COL15A1: variants seen among roughly 807,000 people sequenced by gnomAD.
COL15A1 encodes the protein collagen type XV alpha 1 chain, also known as collagen alpha-1(XV) chain.
COL15A1 carries 111 observed loss-of-function variants against 165.9 expected under a neutral mutation model. That is an observed-to-expected ratio of 0.67 (90% CI 0.57 to 0.78). The LOEUF (loss-of-function observed/expected upper bound fraction) is 0.78. Ranked by LOEUF, COL15A1 falls within the 30% of genes least tolerant of loss-of-function variation. COL15A1 has a pLI of 0.00. For missense variants in COL15A1, 1,745 were observed against 1,789.7 expected, an observed-to-expected ratio of 0.98 and a Z score of 0.45; for synonymous variants, 659 against 674.8, an observed-to-expected ratio of 0.98 and a Z score of 0.36.
chr9:98,994,573 A>C (rs1191365200), intron 5 of COL15A1, among the ~76,000 whole-genome samples: 2 of 152,060 alleles, frequency 1.3e-5, no homozygotes, highest in African/African-American at 4.8e-5. Flanking sequence ...AGGTCTGGGG[A>C]TCCTCCATCA....
chr9:99,062,914 A>G, intron 38 of COL15A1, 136 bp from the exon 39 acceptor site: 1 of 1,006,430 alleles, frequency 9.9e-7, no homozygotes, highest in East Asian at 3.1e-5. Flanking sequence ...CTTTACAGTT[A>G]AGAGTCACAG....
Position 99,063,070 on chromosome 9 carries a change from A to G in COL15A1, c.3612A>G (p.Pro1204=). 6.3e-7 allele frequency: 1 copy of G among 1,587,770 alleles called. No homozygotes were observed. Among genetic ancestry groups the G allele is most frequent in the Non-Finnish European group, 8.5e-7 (1 of 1,171,738 alleles). The change falls in exon 39 of 42, where the codon CCA becomes CCG. Residue 1204 remains proline (P), a synonymous_variant. Transcript: ENST00000375001. ...AACAGCCACATCAGCTTCTGCCTCCACCAAACCCTATTTCAAGTGCCAATT... is the reference window on the plus strand; with the variant it reads ...AACAGCCACATCAGCTTCTGCCTCCGCCAAACCCTATTTCAAGTGCCAATT... ...LSSNPHQLLP[P]PNPISSANYE... is the part of the protein sequence containing the mutation.
chr9:99,027,334 G>A (rs1839142937), intron 16 of COL15A1, among the ~76,000 whole-genome samples: 1 of 152,200 alleles, frequency 6.6e-6, no homozygotes, highest in Non-Finnish European at 1.5e-5. Flanking sequence ...TCACTGAACT[G>A]AATTTCTAGT....
chr9:99,038,229 T>C (rs1348446171), intron 21 of COL15A1, among the ~76,000 whole-genome samples: 9 of 152,238 alleles, frequency 5.9e-5, no homozygotes, highest in Non-Finnish European at 1.0e-4. Context: ...TTTGGCAGTC[T>C]TTTAAAGCTA....
intron 16 of COL15A1, 53 bp downstream of exon 16, chr9:99,026,019 ACTCT>A: frequency 6.6e-7 from 1 of 1,518,654 alleles, no homozygotes; most frequent in Non-Finnish European, 8.9e-7. Context: ...GGCCCACACT[ACTCT>A]CTCTGACCCC....
rs565046059 is a variant in COL15A1, at chr9:99,066,821, G to C, written c.3652-61G>C. The C allele has an allele frequency of 5.4e-6, 8 of 1,488,750 alleles. No homozygotes were observed. In the South Asian group the frequency reaches 8.7e-5, roughly 16 times the overall value. The allele number at this position is 1,488,750 out of a possible 1,614,324, so 92.2% of individuals were successfully genotyped here. ...GGAATCTTTGCAGGAATGTGAGATG[G>C]TTCTGGGGGCTGGAGTTTGCCTTTG... On this transcript the variant is annotated intron_variant, in intron 39 of 41. Coordinates refer to ENST00000375001, the MANE Select transcript of COL15A1 (RefSeq NM_001855.5).
intron 12 of COL15A1, 47 bp from the exon 13 acceptor site, chr9:99,022,044 G>T: frequency 1.2e-6 from 2 of 1,610,076 alleles, no homozygotes; most frequent in Non-Finnish European, 1.7e-6. Flanking sequence ...TGGGGAGATG[G>T]TAGGAACAGA....
intron 9 of COL15A1, among the ~76,000 whole-genome samples, chr9:99,009,981 G>C (rs752825404): frequency 6.6e-6 from 1 of 152,166 alleles, no homozygotes; most frequent in Non-Finnish European, 1.5e-5. Flanking sequence ...TTAATTTATA[G>C]AGAAACTAAA....
chr9:99,016,915 A>G (rs1838943914), intron 11 of COL15A1, among the ~76,000 whole-genome samples: 1 of 152,186 alleles, frequency 6.6e-6, no homozygotes, highest in South Asian at 2.1e-4. Flanking sequence ...CTGTGAGGGG[A>G]GGGGCTGTGG....
intron 21 of COL15A1, among the ~76,000 whole-genome samples, chr9:99,036,674 C>T (rs1442175792): frequency 6.6e-6 from 1 of 152,274 alleles, no homozygotes. Flanking sequence ...TTGAGGAAGC[C>T]CCAGATAAGC....
intron 35 of COL15A1, among the ~76,000 whole-genome samples, chr9:99,059,646 G>A (rs1028050169): frequency 8.5e-5 from 13 of 152,182 alleles, no homozygotes; most frequent in African/African-American, 2.2e-4. Context: ...CTTATGAAAC[G>A]GAAAAGCACT....
At chr9:99,015,610 A>G in intron 10 of COL15A1, 44 bp downstream of exon 10, 4 of 1,585,102 alleles carry the variant, frequency 2.5e-6, no homozygotes, top group Non-Finnish European at 3.5e-6. Flanking sequence ...GGGGAGAGAC[A>G]GGTCTGCATC....
intron 21 of COL15A1, among the ~76,000 whole-genome samples, chr9:99,036,644 G>A (rs995784458): frequency 6.6e-6 from 1 of 152,234 alleles, no homozygotes; most frequent in African/African-American, 2.4e-5. Flanking sequence ...CAGGCTAGGA[G>A]CATTAGAGAT....
Position 99,003,517 on chromosome 9 carries a change from C to A in COL15A1, c.1130C>A (p.Ala377Asp). The A allele has an allele frequency of 6.4e-7, 1 of 1,573,090 alleles. No individual in the cohort carries two copies. The highest frequency in any genetic ancestry group is 8.6e-7 in the Non-Finnish European group (1 of 1,159,362). Residue 377 changes from alanine to aspartate, a missense_variant, in exon 8 of 42, where the codon GCC becomes GAC. Coordinates refer to ENST00000375001, the MANE Select transcript of COL15A1 (RefSeq NM_001855.5). ...VPISTAGEAEASSVPTGGPTL... is the reference protein window; with the variant it reads ...VPISTAGEAEDSSVPTGGPTL... ...ATCAGCACTGCTGGAGAAGCAGAGG[C>A]CAGCAGTGTGCCCACCGGGGGACCA... is the stretch of plus-strand genomic sequence containing the variant.
chr9:99,026,239 C>G (rs74496127), intron 16 of COL15A1, among the ~76,000 whole-genome samples: 1,630 of 152,290 alleles, frequency 0.011, 27 homozygotes, highest in African/African-American at 0.037. Context: ...GGAATCTTCT[C>G]TAACTCCTCC....
intron 35 of COL15A1, among the ~76,000 whole-genome samples, chr9:99,057,173 T>A (rs929305730): frequency 2.6e-5 from 4 of 152,222 alleles, no homozygotes; most frequent in Non-Finnish European, 5.9e-5. Flanking sequence ...GCAGTGGCAG[T>A]GTATGAGGGG....
chr9:98,994,086 A>C (rs1336097030), intron 5 of COL15A1, among the ~76,000 whole-genome samples: 1 of 111,634 alleles, frequency 9.0e-6, no homozygotes, highest in African/African-American at 3.5e-5. Flanking sequence ...GCTGTGCATC[A>C]GGGTCATTTG....
chr9:98,952,926 C>G (rs1410634264), intron 2 of COL15A1, among the ~76,000 whole-genome samples: 1 of 152,122 alleles, frequency 6.6e-6, no homozygotes, highest in South Asian at 2.1e-4. Flanking sequence ...AATTTTGATG[C>G]TTGTTACTTT....
At chr9:99,040,387 A>G in intron 22 of COL15A1, 134 bp from the exon 23 acceptor site, 1 of 1,430,746 alleles carries the variant, frequency 7.0e-7, no homozygotes, top group South Asian at 1.2e-5. Flanking sequence ...CTTCTTCCCT[A>G]ATGCTGTGTC....
Sources: allele counts gnomAD v4.1 joint callset (sites outside exome capture counted in the v4.1 genomes callset), GRCh38; gene constraint gnomAD v4.1.1; transcripts MANE v1.5; gene names NCBI Gene and HGNC (gene_info 2026-07-23, HGNC 2026-07-21).